ABRA: variants seen among roughly 807,000 people sequenced by gnomAD.
ABRA encodes actin binding Rho activating protein.
A neutral mutation model predicts 33.4 loss-of-function variants in ABRA; 25 were observed. The observed-to-expected ratio is 0.75, with a 90% CI of 0.55 to 1.04. ABRA has a LOEUF of 1.04. Among genes scored for constraint, ABRA ranks in the 50% least tolerant of loss-of-function variants. ABRA has a pLI of 0.00. For missense variants in ABRA, 501 were observed against 491.7 expected, an observed-to-expected ratio of 1.02 and a Z score of -0.18; for synonymous variants, 193 against 176.8, an observed-to-expected ratio of 1.09 and a Z score of -0.73.
Position 106,760,933 on chromosome 8 carries a change from A to G in ABRA, c.*104T>C. The G allele has an allele frequency of 9.4e-7, 1 of 1,058,626 alleles. No homozygotes were observed. The highest frequency in any genetic ancestry group is 1.4e-6 in the Non-Finnish European group (1 of 719,610). 65.6% of individuals were successfully genotyped at this position (1,058,626 alleles called of 1,614,324 possible). Reference sequence around the variant, plus strand: ...AAGTCGTTTATGTAAAAATTGTTTAATATTTACTAACTTATTACAGAGAGT... The same window carrying G: ...AAGTCGTTTATGTAAAAATTGTTTAGTATTTACTAACTTATTACAGAGAGT... On this transcript the variant is annotated 3_prime_UTR_variant, in exon 2 of 2. Coordinates refer to ENST00000311955, the MANE Select transcript of ABRA (RefSeq NM_139166.5).
At position 106,769,788 on chromosome 8, in the gene ABRA, C is replaced by T; in HGVS notation, c.403G>A (p.Ala135Thr). Residue 135 changes from alanine to threonine, a missense_variant, in exon 1 of 2, where the codon GCT becomes ACT. Ala to Thr is a moderately conservative substitution (Grantham distance 58). Coordinates refer to ENST00000311955, the MANE Select transcript of ABRA (RefSeq NM_139166.5). ...SHLSHRYERD[A>T]GVLEPGQPEN... The stretch of plus-strand genomic sequence containing the variant: ...GGCTGCCCAGGTTCAAGCACACCAG[C>T]ATCCCTCTCGTACCTGTGGCTGAGG... 6.2e-7 allele frequency: 1 copy of T among 1,614,218 alleles called. No homozygotes were observed. The highest frequency in any genetic ancestry group is 8.5e-7 in the Non-Finnish European group (1 of 1,180,050).
At chr8:106,766,618 A>G (rs1291770740) in intron 1 of ABRA, among the ~76,000 whole-genome samples, 1 of 152,200 alleles carries the variant, frequency 6.6e-6, no homozygotes, top group Admixed American at 6.5e-5. Flanking sequence ...TGCATATAAC[A>G]TTCTGGTACC....
At chr8:106,765,751 T>G (rs1836210795) in intron 1 of ABRA, among the ~76,000 whole-genome samples, 1 of 152,198 alleles carries the variant, frequency 6.6e-6, no homozygotes, top group Non-Finnish European at 1.5e-5. Flanking sequence ...ATTGAAAGTG[T>G]TCGCGGCCCT....
At chr8:106,762,674 G>T (rs1836154960) in intron 1 of ABRA, among the ~76,000 whole-genome samples, 1 of 152,084 alleles carries the variant, frequency 6.6e-6, no homozygotes, top group Non-Finnish European at 1.5e-5. Context: ...GGGTCAGGGG[G>T]AGGGAGAGCA....
Position 106,760,318 on chromosome 8 carries a change from G to GTCC in ABRA, c.*718_*719insGGA. 1 of 152,094 alleles carries GTCC rather than the reference G, an allele frequency of 6.6e-6. No individual in the cohort carries two copies. Among genetic ancestry groups the GTCC allele is most frequent in the East Asian group, 1.9e-4 (1 of 5,182 alleles). 9.4% of individuals were successfully genotyped at this position (152,094 alleles called of 1,614,324 possible). A position where few individuals can be genotyped will look rare whatever the true frequency, so the allele number is the denominator to read the frequency against. On this transcript the variant is annotated 3_prime_UTR_variant, in exon 2 of 2. Transcript: ENST00000311955. ...ATTTGCTGAAATCAAACAAGAGGAA[G>GTCC]GTGAACTCTTACTGGAAACCTGTTA...
In ABRA at chr8:106,761,192, C is replaced by T. The variant is rs781429118; in HGVS notation, c.991G>A (p.Val331Ile). 5.0e-6 allele frequency: 8 copies of T among 1,614,082 alleles called. No homozygotes were observed. The highest frequency in any genetic ancestry group is 6.8e-6 in the Non-Finnish European group (8 of 1,180,052). Residue 331 changes from valine (V) to isoleucine (I), a missense_variant, in exon 2 of 2, where the codon GTT becomes ATT. Coordinates refer to ENST00000311955, the MANE Select transcript of ABRA (RefSeq NM_139166.5). ...CTGTCAAAGAGATCTCCAAAAGTAA[C>T]CTGGATCTTGCCATCTCGTCTGTGG... ...ARHRRDGKIQVTFGDLFDRYV... is the reference protein window; with the variant it reads ...ARHRRDGKIQITFGDLFDRYV...
chr8:106,765,192 A>T (rs1296958577), intron 1 of ABRA, among the ~76,000 whole-genome samples: 1 of 152,050 alleles, frequency 6.6e-6, no homozygotes, highest in East Asian at 1.9e-4. Flanking sequence ...CATTATTAGT[A>T]AAAAAACTTT....
In ABRA at chr8:106,760,734, C is replaced by T. The variant is rs1042016745; in HGVS notation, c.*303G>A. ...TCACTTGAGGCCAGGAGTTAAAAGACCAGCTTTGGTGACATAAAGAGAATC... is the reference window on the plus strand; with the variant it reads ...TCACTTGAGGCCAGGAGTTAAAAGATCAGCTTTGGTGACATAAAGAGAATC... On this transcript the variant is annotated 3_prime_UTR_variant, in exon 2 of 2. Transcript: ENST00000311955. 3.5e-6 allele frequency: 1 copy of T among 283,722 alleles called. No homozygotes were observed. The highest frequency in any genetic ancestry group is 6.6e-6 in the Non-Finnish European group (1 of 151,190). 17.6% of individuals were successfully genotyped at this position (283,722 alleles called of 1,614,324 possible).
At chr8:106,765,618 G>T (rs1836208582) in intron 1 of ABRA, among the ~76,000 whole-genome samples, 1 of 152,180 alleles carries the variant, frequency 6.6e-6, no homozygotes, top group Admixed American at 6.5e-5. Context: ...CAGAAGCAGA[G>T]TGACAGCATT....
rs1296266115 is a variant in ABRA, at chr8:106,759,759, A to G, written c.*1278T>C. 6.6e-6 allele frequency: 1 copy of G among 152,194 alleles called. No homozygotes were observed. The highest frequency in any genetic ancestry group is 1.5e-5 in the Non-Finnish European group (1 of 68,018). 9.4% of individuals were successfully genotyped at this position (152,194 alleles called of 1,614,324 possible). A position where few individuals can be genotyped will look rare whatever the true frequency, so the allele number is the denominator to read the frequency against. On this transcript the variant is annotated 3_prime_UTR_variant, in exon 2 of 2. Transcript: ENST00000311955. Reference sequence around the variant, plus strand: ...GTATCATATTTAGACATTAATTTTTACATTTAACACCAAAGTGCTATACTA... The same window carrying G: ...GTATCATATTTAGACATTAATTTTTGCATTTAACACCAAAGTGCTATACTA...
intron 1 of ABRA, among the ~76,000 whole-genome samples, chr8:106,765,132 C>T (rs1563781229): frequency 6.6e-6 from 1 of 152,152 alleles, no homozygotes; most frequent in Non-Finnish European, 1.5e-5. Flanking sequence ...ACATTTCACC[C>T]GCATTTTACA....
rs1471742223 is a variant in ABRA at position 106,761,472 on chromosome 8, C to T, written c.711G>A (p.Gln237=). ...TCAAGTTGCCCACTGGGCTATATTT[C>T]TGTTGGGCTTTGCAGTTGAGTTTCT... ...FTEKLNCKAQ[Q]KYSPVGNLKG... Residue 237 remains glutamine (Q), a synonymous_variant, in exon 2 of 2, where the codon CAG becomes CAA. Coordinates refer to ENST00000311955, the MANE Select transcript of ABRA (RefSeq NM_139166.5). The T allele has an allele frequency of 1.9e-6, 3 of 1,614,148 alleles. No homozygotes were observed.
chr8:106,763,516 G>A (rs1222887236), intron 1 of ABRA, among the ~76,000 whole-genome samples: 1 of 152,190 alleles, frequency 6.6e-6, no homozygotes, highest in Non-Finnish European at 1.5e-5. Context: ...AGCCCTCCTT[G>A]TCAGTTGATT....
rs1836139073 is a variant in ABRA, at chr8:106,761,457, C to T, written c.726G>A (p.Val242=). 1 of 1,614,182 alleles carries T rather than the reference C, an allele frequency of 6.2e-7. No individual in the cohort carries two copies. Among genetic ancestry groups the T allele is most frequent in the Non-Finnish European group, 8.5e-7 (1 of 1,180,032 alleles). ...GCTGCCATCTCCCTTTCAAGTTGCC[C>T]ACTGGGCTATATTTCTGTTGGGCTT... ...NCKAQQKYSP[V]GNLKGRWQQW... is the part of the protein sequence containing the mutation. The change falls in exon 2 of 2, where the codon GTG becomes GTA. Residue 242 remains valine (V), a synonymous_variant. Transcript: ENST00000311955.
intron 1 of ABRA, among the ~76,000 whole-genome samples, chr8:106,767,625 G>T (rs1836243605): frequency 2.0e-5 from 3 of 152,190 alleles, no homozygotes; most frequent in Non-Finnish European, 4.4e-5. Context: ...TCCCTGAAAT[G>T]AGTGAATAGC....
In ABRA at chr8:106,770,199, C is replaced by G; in HGVS notation, c.-9G>C. 6.3e-7 allele frequency: 1 copy of G among 1,595,770 alleles called. No individual in the cohort carries two copies. The highest frequency in any genetic ancestry group is 8.5e-7 in the Non-Finnish European group (1 of 1,175,306). ...TTTTCGCCCGGAGCCATGCTGCCCA[C>G]CTGTCTTTCTCTGCTGATAGCCTGG... On this transcript the variant is annotated 5_prime_UTR_variant, in exon 1 of 2. Coordinates refer to ENST00000311955, the MANE Select transcript of ABRA (RefSeq NM_139166.5).
chr8:106,764,652 AAAAC>A lies in ABRA; in HGVS notation c.669-3142_669-3139del, dbSNP rs199734307. Among the ~76,000 whole-genome samples the A allele has an allele frequency of 2.6e-3, 395 of 152,240 alleles. 5 individuals are homozygous for A. The highest frequency in any genetic ancestry group is 8.5e-3 in the African/African-American group (353 of 41,522). On this transcript the variant is annotated intron_variant, in intron 1 of 1. Transcript: ENST00000311955. ...AGGCTGGGTGACAGAGACTCTATTA[AAAAC>A]AAACAAACAAACAAACAAAAAAGAC... is the stretch of plus-strand genomic sequence containing the variant.
chr8:106,766,479 C>T (rs961715824), intron 1 of ABRA, among the ~76,000 whole-genome samples: 8 of 152,100 alleles, frequency 5.3e-5, no homozygotes, highest in Non-Finnish European at 1.2e-4. Flanking sequence ...TCCAAATTGG[C>T]TTAGTAATGC....
At chr8:106,769,468 G>A (rs543668921) in intron 1 of ABRA, 55 bp downstream of exon 1, 19 of 1,558,790 alleles carry the variant, frequency 1.2e-5, no homozygotes, top group Non-Finnish European at 1.6e-5. Flanking sequence ...TCCCAGACTT[G>A]GTTGGGGCTC....
Sources: gnomAD v4.1 joint callset for allele counts (sites outside exome capture counted in the v4.1 genomes callset) on GRCh38, gnomAD v4.1.1 for gene constraint, MANE v1.5 for transcripts, NCBI Gene and HGNC (gene_info 2026-07-23, HGNC 2026-07-21) for gene names.